The following TSPAN5 variants were observed in gnomAD, a reference collection of about 807,000 sequenced individuals.
TSPAN5 encodes tetraspanin 5, also known as tetraspanin-5.
In TSPAN5, 10 loss-of-function variants were observed where a neutral mutation model predicts 37.1. The observed-to-expected ratio is 0.27, with a 90% CI of 0.17 to 0.46. TSPAN5 has a LOEUF of 0.46. Among genes scored for constraint, TSPAN5 ranks in the 20% least tolerant of loss-of-function variants. TSPAN5 has a pLI of 1.00. For missense variants in TSPAN5, 195 were observed against 326.6 expected (o/e 0.60, Z 3.11); for synonymous variants, 110 against 118.9 (o/e 0.93, Z 0.48).
chr4:98,568,419 G>A (rs1217022077), intron 1 of TSPAN5, among the ~76,000 whole-genome samples: 1 of 152,140 alleles, frequency 6.6e-6, no homozygotes, highest in Non-Finnish European at 1.5e-5. Flanking sequence ...GCACGTGCCT[G>A]TAGTCCCAGC....
intron 1 of TSPAN5, among the ~76,000 whole-genome samples, chr4:98,522,337 G>C (rs1753874168): frequency 6.6e-6 from 1 of 152,202 alleles, no homozygotes; most frequent in Non-Finnish European, 1.5e-5. Context: ...CGCTGAAACA[G>C]GAAGTGAATT....
At chr4:98,512,030 TG>T (rs1172144040) in intron 1 of TSPAN5, among the ~76,000 whole-genome samples, 3 of 152,126 alleles carry the variant, frequency 2.0e-5, no homozygotes, top group Non-Finnish European at 2.9e-5. Flanking sequence ...CTGGCCAACA[TG>T]GTAAAACCCC....
chr4:98,629,185 C>T (rs934696933), intron 1 of TSPAN5, among the ~76,000 whole-genome samples: 3 of 152,176 alleles, frequency 2.0e-5, no homozygotes, highest in African/African-American at 7.2e-5. Context: ...GATAATTTGT[C>T]TATGAACTAT....
intron 1 of TSPAN5, among the ~76,000 whole-genome samples, chr4:98,603,805 A>C (rs193166085): frequency 6.9e-4 from 105 of 152,248 alleles, no homozygotes; most frequent in Admixed American, 1.8e-3. Flanking sequence ...GCTCCTCAGC[A>C]TTTCTTATCT....
chr4:98,513,861 AATAGATAG>A (rs56142906), intron 1 of TSPAN5, among the ~76,000 whole-genome samples: 4,911 of 149,628 alleles, frequency 0.033, 84 homozygotes, highest in South Asian at 0.055. Flanking sequence ...ATAAAAAGCA[AATAGATAG>A]ATAGATAGAT....
At chr4:98,520,763 C>A (rs1753835482) in intron 1 of TSPAN5, among the ~76,000 whole-genome samples, 1 of 152,178 alleles carries the variant, frequency 6.6e-6, no homozygotes, top group African/African-American at 2.4e-5. Flanking sequence ...ACCTTTTATC[C>A]ATTTCTTAAA....
chr4:98,637,238 A>G (rs1756875518), intron 1 of TSPAN5, among the ~76,000 whole-genome samples: 1 of 152,208 alleles, frequency 6.6e-6, no homozygotes, highest in Non-Finnish European at 1.5e-5. Context: ...GCCACACTGC[A>G]CAACTCCAGG....
At chr4:98,488,296 T>C (rs1195680645) in intron 2 of TSPAN5, among the ~76,000 whole-genome samples, 2 of 152,184 alleles carry the variant, frequency 1.3e-5, no homozygotes, top group Non-Finnish European at 2.9e-5. Context: ...TTTTAATCCA[T>C]TTAAAGGTTG....
chr4:98,635,877 T>C (rs1028393206), intron 1 of TSPAN5, among the ~76,000 whole-genome samples: 1 of 152,204 alleles, frequency 6.6e-6, no homozygotes, highest in Non-Finnish European at 1.5e-5. Flanking sequence ...ATAAGGAATA[T>C]ATAAAGACTG....
At chr4:98,495,707 C>T (rs1231933029) in intron 2 of TSPAN5, among the ~76,000 whole-genome samples, 1 of 151,380 alleles carries the variant, frequency 6.6e-6, no homozygotes, top group Non-Finnish European at 1.5e-5. Context: ...CATGCAGAAA[C>T]GAAAAGGCAA....
chr4:98,581,581 AG>A (rs1165518905), intron 1 of TSPAN5, among the ~76,000 whole-genome samples: 1 of 152,246 alleles, frequency 6.6e-6, no homozygotes, highest in African/African-American at 2.4e-5. Flanking sequence ...TCCACAAACA[AG>A]AAAAACATAA....
At chr4:98,641,168 A>G (rs1313978162) in intron 1 of TSPAN5, among the ~76,000 whole-genome samples, 1 of 152,198 alleles carries the variant, frequency 6.6e-6, no homozygotes, top group Non-Finnish European at 1.5e-5. Flanking sequence ...TTTTTATATA[A>G]TCTCCTACTA....
intron 1 of TSPAN5, among the ~76,000 whole-genome samples, chr4:98,582,307 G>A (rs1755387639): frequency 6.6e-6 from 1 of 152,150 alleles, no homozygotes; most frequent in African/African-American, 2.4e-5. Flanking sequence ...ATCCCCACTG[G>A]AGCTGACGGC....
At chr4:98,615,279 T>G (rs1237958330) in intron 1 of TSPAN5, among the ~76,000 whole-genome samples, 1 of 152,200 alleles carries the variant, frequency 6.6e-6, no homozygotes, top group Non-Finnish European at 1.5e-5. Context: ...GCTGCCCCTG[T>G]TCAAAATTCA....
At chr4:98,604,059 A>G (rs1755946222) in intron 1 of TSPAN5, among the ~76,000 whole-genome samples, 1 of 152,104 alleles carries the variant, frequency 6.6e-6, no homozygotes, top group African/African-American at 2.4e-5. Context: ...TCTGGAGTGT[A>G]TGAAAACAGG....
chr4:98,507,365 G>A (rs1192580226), intron 2 of TSPAN5, among the ~76,000 whole-genome samples: 1 of 152,168 alleles, frequency 6.6e-6, no homozygotes, highest in African/African-American at 2.4e-5. Flanking sequence ...AATCATTACT[G>A]GAATTCTTGT....
At chr4:98,567,400 ATATTCCTTAC>A (rs1369363605) in intron 1 of TSPAN5, among the ~76,000 whole-genome samples, 1 of 152,238 alleles carries the variant, frequency 6.6e-6, no homozygotes, top group African/African-American at 2.4e-5. Context: ...ACATTAAAAT[ATATTCCTTAC>A]TATGGGACAA....
chr4:98,631,888 C>G (rs56134635), intron 1 of TSPAN5, among the ~76,000 whole-genome samples: 8 of 152,236 alleles, frequency 5.3e-5, no homozygotes, highest in East Asian at 1.9e-4. Context: ...TCTTAGGCCA[C>G]TTTTTAGTTT....
At chr4:98,551,632 C>T (rs918488313) in intron 1 of TSPAN5, among the ~76,000 whole-genome samples, 3 of 149,130 alleles carry the variant, frequency 2.0e-5, no homozygotes, top group Non-Finnish European at 3.0e-5. Context: ...GCTAGGACTA[C>T]AGGTGGGTAC....
Sources: gnomAD v4.1 joint callset for allele counts (sites outside exome capture counted in the v4.1 genomes callset) on GRCh38, gnomAD v4.1.1 for gene constraint, MANE v1.5 for transcripts, NCBI Gene and HGNC (gene_info 2026-07-23, HGNC 2026-07-21) for gene names.